ANKRD36B: variants seen among roughly 807,000 people sequenced by gnomAD.
ANKRD36B encodes the protein ankyrin repeat domain-containing protein 36B.
Under a neutral mutation model 135.7 loss-of-function variants are expected in ANKRD36B, and 37 were observed. The ratio of observed to expected loss-of-function variants is 0.27; its 90% CI spans 0.21 to 0.36. The LOEUF is 0.36. Among genes scored for constraint, ANKRD36B ranks in the 10% least tolerant of loss-of-function variants. ANKRD36B has a pLI of 1.00. For synonymous variants in ANKRD36B, 179 were observed against 348.1 expected (o/e 0.51, Z 5.41); for missense variants, 549 against 1,037.1 (o/e 0.53, Z 6.46).
chr2:97,551,533 T>C lies in ANKRD36B; in HGVS notation c.1274-53A>G, dbSNP rs544277156. ...CTCATATGTAACTATGACAAAGTTA[T>C]CCATACATTCATGCAGTGTTTGTAT... is the stretch of plus-strand genomic sequence containing the variant. On this transcript the variant is annotated intron_variant, in intron 16 of 43. Transcript: ENST00000359901. 54 of 1,603,460 alleles carry C rather than the reference T, an allele frequency of 3.4e-5. No homozygotes were observed. In the Middle Eastern group the frequency reaches 6.8e-4, roughly 20 times the overall value.
chr2:97,529,505 G>A lies in ANKRD36B; in HGVS notation c.2265+2806C>T, dbSNP rs2104438059. Among the ~76,000 whole-genome samples the A allele has an allele frequency of 2.1e-5, 2 of 93,992 alleles. 1 individual carries two copies. The highest frequency in any genetic ancestry group is 4.7e-4 in the East Asian group (2 of 4,274). 61.7% of individuals were successfully genotyped at this position (93,992 alleles called of 152,430 possible). A position where few individuals can be genotyped will look rare whatever the true frequency, so the allele number is the denominator to read the frequency against. ...TTGAAAACTGGCACAAGACAGGGAT[G>A]CCCTCTCTCACCACTCCTATTCAAC... On this transcript the variant is annotated intron_variant, in intron 35 of 43. Coordinates refer to ENST00000359901, the MANE Select transcript of ANKRD36B (RefSeq NM_001393939.1).
rs567139979 is a variant in ANKRD36B at position 97,513,132 on chromosome 2, A to C, written c.2805+48T>G. 2.9e-4 allele frequency: 413 copies of C among 1,434,346 alleles called. 22 individuals are homozygous for C. Among genetic ancestry groups the C allele is most frequent in the South Asian group, 2.4e-3 (179 of 74,142 alleles). 88.9% of individuals were successfully genotyped at this position (1,434,346 alleles called of 1,614,324 possible). ...GTTAAATGAAAGAGATGGTATAAGT[A>C]ATATTAATAAGAGTAGAAATATGAA... On this transcript the variant is annotated intron_variant, in intron 38 of 43. Coordinates refer to ENST00000359901, the MANE Select transcript of ANKRD36B (RefSeq NM_001393939.1).
At chr2:97,555,172 T>C (rs748542021) in intron 13 of ANKRD36B, 40 bp from the exon 14 acceptor site, 7 of 1,611,390 alleles carry the variant, frequency 4.3e-6, no homozygotes, top group East Asian at 2.2e-5. Flanking sequence ...AAAGAAAGTA[T>C]GTTTCATGGA....
rs747478337 is a variant in ANKRD36B, at chr2:97,555,183, C to A, written c.1098+43G>T. On this transcript the variant is annotated intron_variant, in intron 13 of 43. Coordinates refer to ENST00000359901, the MANE Select transcript of ANKRD36B (RefSeq NM_001393939.1). ...CAATAAAGAAAGTATGTTTCATGGA[C>A]TATACAGTTACTAATACAAAATATA... 24 of 1,611,074 alleles carry A rather than the reference C, an allele frequency of 1.5e-5. No homozygotes were observed. The South Asian group carries it at 2.5e-4, about 17-fold the overall frequency.
At position 97,579,522 on chromosome 2, in the gene ANKRD36B, C is replaced by CTATA. The variant is rs112707466; in HGVS notation, c.558-483_558-480dup. On this transcript the variant is annotated intron_variant, in intron 4 of 43. Transcript: ENST00000359901. ...CATGTGCTAGGCATTTAATTAAACA[C>CTATA]TATATATATATATATATGGAGGATA... 2.6e-3 allele frequency among the ~76,000 whole-genome samples: 368 copies of CTATA among 143,708 alleles called. 1 individual carries two copies. Among genetic ancestry groups the CTATA allele is most frequent in the African/African-American group, 8.8e-3 (347 of 39,304 alleles). The allele number at this position is 143,708 out of a possible 152,430, so 94.3% of individuals were successfully genotyped here. A position where few individuals can be genotyped will look rare whatever the true frequency, so the allele number is the denominator to read the frequency against.
intron 6 of ANKRD36B, among the ~76,000 whole-genome samples, chr2:97,573,341 C>T (rs532344546): frequency 6.6e-6 from 1 of 152,024 alleles, no homozygotes; most frequent in South Asian, 2.1e-4. Flanking sequence ...GGTTCCATGT[C>T]TTTGCTATTG....
chr2:97,565,864 GGTGT>G (rs869177777), intron 6 of ANKRD36B, among the ~76,000 whole-genome samples: 2 of 147,192 alleles, frequency 1.4e-5, no homozygotes, highest in South Asian at 2.2e-4. Flanking sequence ...ATATACTCGG[GGTGT>G]GTGTGTGTGT....
chr2:97,552,953 G>A (rs1484639909), intron 16 of ANKRD36B, among the ~76,000 whole-genome samples: 1 of 151,850 alleles, frequency 6.6e-6, no homozygotes, highest in Non-Finnish European at 1.5e-5. Flanking sequence ...ATTTCAATGT[G>A]GGGAAGTGTA....
At chr2:97,588,247 G>C (rs971770679) in intron 1 of ANKRD36B, among the ~76,000 whole-genome samples, 9 of 151,980 alleles carry the variant, frequency 5.9e-5, no homozygotes, top group Non-Finnish European at 4.4e-5. Flanking sequence ...TAGTTAGCAG[G>C]CACTTCATTT....
At chr2:97,576,477 T>C (rs1279109118) in intron 5 of ANKRD36B, 31 bp from the exon 6 acceptor site, 2 of 809,414 alleles carry the variant, frequency 2.5e-6, no homozygotes, top group African/African-American at 3.5e-5. Context: ...AATTAATATT[T>C]TAATACTATT....
intron 6 of ANKRD36B, among the ~76,000 whole-genome samples, chr2:97,573,186 A>T (rs2082001545): frequency 6.6e-6 from 1 of 151,976 alleles, no homozygotes; most frequent in Admixed American, 6.6e-5. Flanking sequence ...TCCTTGCCAT[A>T]ATTTGCTGAG....
intron 6 of ANKRD36B, among the ~76,000 whole-genome samples, chr2:97,564,029 A>C (rs2081250886): frequency 6.6e-6 from 1 of 151,968 alleles, no homozygotes; most frequent in Admixed American, 6.6e-5. Flanking sequence ...ACCAAGTTGC[A>C]GTCATTTTGT....
At chr2:97,553,103 T>C (rs2080209959) in intron 16 of ANKRD36B, 65 bp downstream of exon 16, 2 of 1,558,516 alleles carry the variant, frequency 1.3e-6, no homozygotes, top group Non-Finnish European at 1.8e-6. Flanking sequence ...GCTGATTTAT[T>C]AGGGGTAGAG....
At chr2:97,555,975 A>G (rs1479884685) in intron 12 of ANKRD36B, among the ~76,000 whole-genome samples, 1 of 151,892 alleles carries the variant, frequency 6.6e-6, no homozygotes, top group Non-Finnish European at 1.5e-5. Flanking sequence ...ACAAAATGCA[A>G]TGGCTCCTGG....
At chr2:97,563,740 G>A (rs1260848368) in intron 6 of ANKRD36B, among the ~76,000 whole-genome samples, 1 of 152,098 alleles carries the variant, frequency 6.6e-6, no homozygotes, top group Non-Finnish European at 1.5e-5. Flanking sequence ...GGAAACAGTT[G>A]CAATCAACAT....
At chr2:97,551,134 A>T (rs1401042800) in intron 18 of ANKRD36B, among the ~76,000 whole-genome samples, 155 bp downstream of exon 18, 1 of 151,870 alleles carries the variant, frequency 6.6e-6, no homozygotes, top group Non-Finnish European at 1.5e-5. Flanking sequence ...CCAGACCAGC[A>T]GTATCAGCAT....
At chr2:97,546,797 G>A (rs1170153348) in intron 22 of ANKRD36B, among the ~76,000 whole-genome samples, 1 of 151,606 alleles carries the variant, frequency 6.6e-6, no homozygotes, top group Admixed American at 6.6e-5. Context: ...GAACAAGGAA[G>A]CAAATTTATT....
At chr2:97,547,665 C>T (rs2079602140) in intron 21 of ANKRD36B, 38 bp downstream of exon 21, 2 of 1,555,122 alleles carry the variant, frequency 1.3e-6, no homozygotes, top group African/African-American at 1.4e-5. Flanking sequence ...ATAGACTATA[C>T]ATTTACTAGT....
chr2:97,551,545 T>C (rs2080070087), intron 16 of ANKRD36B, 65 bp from the exon 17 acceptor site: 3 of 1,601,086 alleles, frequency 1.9e-6, no homozygotes, highest in African/African-American at 1.3e-5. Context: ...CATACATTCA[T>C]GCAGTGTTTG....
Sources: allele counts gnomAD v4.1 joint callset (sites outside exome capture counted in the v4.1 genomes callset), GRCh38; gene constraint gnomAD v4.1.1; transcripts MANE v1.5; gene names NCBI Gene and HGNC (gene_info 2026-07-23, HGNC 2026-07-21).